Variants in ZNF827 observed in about 807,000 individuals in gnomAD.
ZNF827 encodes the protein zinc finger protein 827.
ZNF827 carries 13 observed loss-of-function variants against 102.4 expected under a neutral mutation model. The ratio of observed to expected loss-of-function variants is 0.13; its 90% CI spans 0.08 to 0.20. ZNF827 has a LOEUF of 0.20. Among genes scored for constraint, ZNF827 ranks in the 10% least tolerant of loss-of-function variants. ZNF827 has a pLI of 1.00. For synonymous variants in ZNF827, 523 were observed against 536.2 expected, an observed-to-expected ratio of 0.98 and a Z score of 0.34; for missense variants, 1,103 against 1,344.4, an observed-to-expected ratio of 0.82 and a Z score of 2.81.
At chr4:145,880,568 A>G (rs1749576331) in intron 4 of ZNF827, among the ~76,000 whole-genome samples, 1 of 152,164 alleles carries the variant, frequency 6.6e-6, no homozygotes, top group South Asian at 2.1e-4. Flanking sequence ...CATGAGTGGC[A>G]AGTCACTGAA....
rs775701523 is a variant in ZNF827, at chr4:145,892,285, T to C, written c.1224A>G (p.Pro408=). 1 of 1,613,876 alleles carries C rather than the reference T, an allele frequency of 6.2e-7. No individual in the cohort carries two copies. The highest frequency in any genetic ancestry group is 8.5e-7 in the Non-Finnish European group (1 of 1,179,866). The part of the protein sequence containing the change: ...GLKSHQCPLC[P]FRCARKDNLK... Reference sequence around the variant, plus strand: ...GATTGTCCTTGCGAGCACACCGGAATGGACAGAGCGGACACTGATGACTTT... The same window carrying C: ...GATTGTCCTTGCGAGCACACCGGAACGGACAGAGCGGACACTGATGACTTT... The change falls in exon 3 of 15, where the codon CCA becomes CCG. Residue 408 remains proline (P), a synonymous_variant. Transcript: ENST00000508784.
chr4:145,826,465 T>C (rs912110298), intron 7 of ZNF827, among the ~76,000 whole-genome samples: 4 of 152,028 alleles, frequency 2.6e-5, no homozygotes, highest in African/African-American at 9.7e-5. Flanking sequence ...ATTATAGTAG[T>C]CCCCCCTTAC....
chr4:145,790,369 T>C (rs1739499100), intron 8 of ZNF827, among the ~76,000 whole-genome samples: 1 of 152,144 alleles, frequency 6.6e-6, no homozygotes, highest in African/African-American at 2.4e-5. Flanking sequence ...ATCACTATAA[T>C]TAAAAATTTA....
At chr4:145,933,987 C>G (rs1753985417) in intron 1 of ZNF827, among the ~76,000 whole-genome samples, 1 of 152,152 alleles carries the variant, frequency 6.6e-6, no homozygotes, top group African/African-American at 2.4e-5. Context: ...GTTCAGGATT[C>G]TGCTAAAGAC....
chr4:145,762,965 TC>T lies in ZNF827; in HGVS notation c.*17+124del. 1 of 905,742 alleles carries T rather than the reference TC, an allele frequency of 1.1e-6. No individual in the cohort carries two copies. Among genetic ancestry groups the T allele is most frequent in the Non-Finnish European group, 1.7e-6 (1 of 602,252 alleles). 56.1% of individuals were successfully genotyped at this position (905,742 alleles called of 1,614,324 possible). A position where few individuals can be genotyped will look rare whatever the true frequency, so the allele number is the denominator to read the frequency against. On this transcript the variant is annotated intron_variant, in intron 14 of 14. Coordinates refer to ENST00000508784, the MANE Select transcript of ZNF827 (RefSeq NM_001306215.2). The surrounding 1 kb of genome is among the most constrained non-coding windows in gnomAD (Gnocchi z 4.9). Reference sequence around the variant, plus strand: ...ACAACCAAGTGCACCGTGCACGGCCTCCTCAGCGCCAAGCTCGCCGTTAGCC... The same window carrying T: ...ACAACCAAGTGCACCGTGCACGGCCTCTCAGCGCCAAGCTCGCCGTTAGCC...
intron 4 of ZNF827, among the ~76,000 whole-genome samples, chr4:145,881,827 C>T (rs915890557): frequency 6.6e-6 from 1 of 152,170 alleles, no homozygotes; most frequent in African/African-American, 2.4e-5. Flanking sequence ...CTGGAGACCA[C>T]AGGAACAAAA....
rs1424681119 is a variant in ZNF827 at position 145,761,082 on chromosome 4, G to A, written c.*534C>T. 1.6e-6 allele frequency: 2 copies of A among 1,289,568 alleles called. No homozygotes were observed. Among genetic ancestry groups the A allele is most frequent in the Non-Finnish European group, 2.0e-6 (2 of 988,710 alleles). The allele number at this position is 1,289,568 out of a possible 1,614,324, so 79.9% of individuals were successfully genotyped here. On this transcript the variant is annotated 3_prime_UTR_variant, in exon 15 of 15. Coordinates refer to ENST00000508784, the MANE Select transcript of ZNF827 (RefSeq NM_001306215.2). This position sits in a 1 kb window ranked among gnomAD's most constrained non-coding sequence, Gnocchi z 6.8. ...CCTGGGAGGCAGACATAACTGACAG[G>A]GGAGACAGGAGATTCCGGGAGCTCC... is the stretch of plus-strand genomic sequence containing the variant.
intron 1 of ZNF827, among the ~76,000 whole-genome samples, chr4:145,920,550 G>A (rs570195157): frequency 4.0e-4 from 61 of 152,324 alleles, no homozygotes; most frequent in African/African-American, 1.4e-3. Flanking sequence ...ACATTCACGC[G>A]AATGTCCAGG....
At chr4:145,782,863 AC>A (rs1738297877) in intron 8 of ZNF827, among the ~76,000 whole-genome samples, 1 of 152,182 alleles carries the variant, frequency 6.6e-6, no homozygotes, top group African/African-American at 2.4e-5. Context: ...CTGTTCCTCC[AC>A]CAAAAGCTAC....
intron 8 of ZNF827, among the ~76,000 whole-genome samples, chr4:145,802,757 T>C (rs1233860557): frequency 1.3e-5 from 2 of 152,162 alleles, no homozygotes; most frequent in Non-Finnish European, 2.9e-5. Context: ...CAGGAGTTCA[T>C]GGAGAAACTG....
At position 145,763,309 on chromosome 4, in the gene ZNF827, C is replaced by T. The variant is rs776563149; in HGVS notation, c.3231-187G>A. On this transcript the variant is annotated intron_variant, in intron 13 of 14. Coordinates refer to ENST00000508784, the MANE Select transcript of ZNF827 (RefSeq NM_001306215.2). The surrounding 1 kb of genome is among the most constrained non-coding windows in gnomAD (Gnocchi z 4.6). The stretch of plus-strand genomic sequence containing the variant: ...CTCAGGCAAAGTGCTAAGGGTTTTC[C>T]GTGCTCCCGTTATTTTCTTAAAGAC... Among the ~76,000 whole-genome samples, 87 of 152,206 alleles carry T rather than the reference C, an allele frequency of 5.7e-4. No homozygotes were observed. Among genetic ancestry groups the T allele is most frequent in the Non-Finnish European group, 1.1e-3 (76 of 68,036 alleles).
intron 1 of ZNF827, among the ~76,000 whole-genome samples, chr4:145,937,996 CG>C (rs1754351942): frequency 6.7e-6 from 1 of 150,098 alleles, no homozygotes; most frequent in African/African-American, 2.5e-5. Context: ...ACCAAACCCC[CG>C]ATAAAACCCC....
chr4:145,823,710 T>A (rs1394545762), intron 7 of ZNF827, among the ~76,000 whole-genome samples, 185 bp from the exon 8 acceptor site: 1 of 152,212 alleles, frequency 6.6e-6, no homozygotes, highest in Non-Finnish European at 1.5e-5. Flanking sequence ...ATCAGACAAG[T>A]GCCAGCTGTA....
chr4:145,884,816 T>C (rs1386966601), intron 4 of ZNF827, among the ~76,000 whole-genome samples: 2 of 152,202 alleles, frequency 1.3e-5, no homozygotes, highest in African/African-American at 4.8e-5. Flanking sequence ...ATACTCCATC[T>C]TTTTTTCCCA....
intron 7 of ZNF827, among the ~76,000 whole-genome samples, chr4:145,824,992 A>C (rs17020619): frequency 0.016 from 2,436 of 152,346 alleles, 55 homozygotes; most frequent in African/African-American, 0.055. Flanking sequence ...TTAAACACAA[A>C]ACAATTTAAA....
intron 8 of ZNF827, among the ~76,000 whole-genome samples, chr4:145,794,811 G>C (rs375971444): frequency 2.0e-5 from 3 of 152,334 alleles, no homozygotes; most frequent in Admixed American, 6.5e-5. Context: ...AAGTAAACCA[G>C]CAACATCCAC....
At chr4:145,857,610 AC>A (rs2126697739) in intron 5 of ZNF827, among the ~76,000 whole-genome samples, 1 of 152,334 alleles carries the variant, frequency 6.6e-6, no homozygotes, top group East Asian at 1.9e-4. Context: ...CTCAAACATA[AC>A]AAATTCTGCA....
At chr4:145,912,175 G>A (rs1346060003) in intron 1 of ZNF827, among the ~76,000 whole-genome samples, 1 of 152,104 alleles carries the variant, frequency 6.6e-6, no homozygotes, top group African/African-American at 2.4e-5. Flanking sequence ...TAATTTGATG[G>A]GATTTAAAAG....
chr4:145,834,150 A>G (rs1744569067), intron 7 of ZNF827, among the ~76,000 whole-genome samples: 1 of 152,188 alleles, frequency 6.6e-6, no homozygotes, highest in Non-Finnish European at 1.5e-5. Context: ...CAGTAGTTCC[A>G]AATAGCCAGA....
Sources: allele counts gnomAD v4.1 joint callset (sites outside exome capture counted in the v4.1 genomes callset), GRCh38; gene constraint gnomAD v4.1.1; non-coding constraint Gnocchi (gnomAD v3.1); transcripts MANE v1.5; gene names NCBI Gene and HGNC (gene_info 2026-07-23, HGNC 2026-07-21).